Variants in FGD4 observed in about 807,000 individuals in gnomAD.
FGD4 encodes the protein FYVE, RhoGEF and PH domain-containing protein 4.
A neutral mutation model predicts 102.0 loss-of-function variants in FGD4; 42 were observed. The ratio of observed to expected loss-of-function variants is 0.41; its 90% CI spans 0.32 to 0.53. The LOEUF is 0.53. Ranked by LOEUF, FGD4 falls within the 20% of genes least tolerant of loss-of-function variation. FGD4 has a pLI of 0.21. For missense variants in FGD4, 902 were observed against 1,078.2 expected (o/e 0.84, Z 2.29); for synonymous variants, 380 against 375.7 (o/e 1.01, Z -0.13).
chr12:32,510,167 T>C (rs1230431589), intron 1 of FGD4, among the ~76,000 whole-genome samples: 3 of 152,228 alleles, frequency 2.0e-5, no homozygotes, highest in African/African-American at 7.2e-5. Context: ...ATTCAGTGAA[T>C]GATTTATCAC....
chr12:32,410,459 T>C (rs930189268), intron 1 of FGD4, among the ~76,000 whole-genome samples: 1 of 151,746 alleles, frequency 6.6e-6, no homozygotes, highest in Non-Finnish European at 1.5e-5. Flanking sequence ...TATTCCAGCC[T>C]GGGCAATGGA....
chr12:32,400,743 G>C (rs1384671652), intron 1 of FGD4, among the ~76,000 whole-genome samples: 2 of 152,136 alleles, frequency 1.3e-5, no homozygotes, highest in Non-Finnish European at 1.5e-5. Context: ...GCGGTAACCA[G>C]AGGTGTCTGG....
At chr12:32,431,077 G>T (rs183039298) in intron 1 of FGD4, among the ~76,000 whole-genome samples, 21 of 152,300 alleles carry the variant, frequency 1.4e-4, no homozygotes, top group Admixed American at 9.8e-4. Context: ...TCGTTAACCT[G>T]GGAGATTCTC....
chr12:32,580,702 A>G (rs1443804584), intron 3 of FGD4, among the ~76,000 whole-genome samples: 2 of 152,040 alleles, frequency 1.3e-5, no homozygotes, highest in Non-Finnish European at 2.9e-5. Context: ...CCTGGCTAAC[A>G]CGGTGAAACC....
At position 32,582,192 on chromosome 12, in the gene FGD4, A is replaced by G; in HGVS notation, c.736A>G (p.Thr246Ala). 6.2e-7 allele frequency: 1 copy of G among 1,614,166 alleles called. No homozygotes were observed. Among genetic ancestry groups the G allele is most frequent in the Non-Finnish European group, 8.5e-7 (1 of 1,180,022 alleles). Reference sequence around the variant, plus strand: ...GGAATGTGAGGAGGAGAAAGCTGCCACTCTTAGCTCAGATACTTCTATTCA... The same window carrying G: ...GGAATGTGAGGAGGAGAAAGCTGCCGCTCTTAGCTCAGATACTTCTATTCA... ...QMECEEEKAA[T>A]LSSDTSIQAS... Residue 246 changes from threonine (T) to alanine (A), a missense_variant, in exon 4 of 17, where the codon ACT becomes GCT. This residue lies in a region of FGD4 where 443 missense variants were observed against 459.2 expected (regional missense o/e 0.96). Transcript: ENST00000534526.
intron 1 of FGD4, among the ~76,000 whole-genome samples, chr12:32,456,947 C>G (rs961398337): frequency 2.1e-4 from 32 of 152,020 alleles, no homozygotes; most frequent in African/African-American, 7.5e-4. Context: ...TCTGTAAATG[C>G]TTATTTGAAT....
At chr12:32,411,615 A>G (rs975106275) in intron 1 of FGD4, among the ~76,000 whole-genome samples, 10 of 152,106 alleles carry the variant, frequency 6.6e-5, no homozygotes, top group African/African-American at 2.4e-4. Flanking sequence ...AGATACCCCA[A>G]ATTGAAGAAT....
At chr12:32,591,979 T>C (rs1446827004) in intron 4 of FGD4, among the ~76,000 whole-genome samples, 2 of 152,202 alleles carry the variant, frequency 1.3e-5, no homozygotes, top group African/African-American at 4.8e-5. Context: ...AGCTTAGATA[T>C]CCTCTTGTGT....
intron 5 of FGD4, among the ~76,000 whole-genome samples, chr12:32,599,481 CG>C (rs1217562539): frequency 1.8e-5 from 1 of 55,308 alleles, no homozygotes; most frequent in Non-Finnish European, 3.3e-5. Flanking sequence ...GGTGACAGAG[CG>C]AGACTCCGTC....
Position 32,506,732 on chromosome 12 carries a change from C to G in FGD4, c.167-57405C>G, listed in dbSNP as rs1317148693. On this transcript the variant is annotated intron_variant, in intron 1 of 16. Coordinates refer to ENST00000534526, the MANE Select transcript of FGD4 (RefSeq NM_001370298.3). This position sits in a 1 kb window ranked among gnomAD's most constrained non-coding sequence, Gnocchi z 4.5. ...TATTTCTTGCACATTTACTCTATGC[C>G]ATTCCTATTGCGATGTGGAGGATAT... Among the ~76,000 whole-genome samples, 1 of 152,098 alleles carries G rather than the reference C, an allele frequency of 6.6e-6. No individual in the cohort carries two copies. The highest frequency in any genetic ancestry group is 1.5e-5 in the Non-Finnish European group (1 of 68,030).
intron 15 of FGD4, 93 bp downstream of exon 15, chr12:32,633,782 C>A: frequency 8.7e-7 from 1 of 1,145,790 alleles, no homozygotes; most frequent in Non-Finnish European, 1.2e-6. Context: ...GTGGCACGAT[C>A]TCAGCTCACT....
chr12:32,540,566 C>CT (rs528437420), intron 1 of FGD4, among the ~76,000 whole-genome samples: 9,046 of 136,380 alleles, frequency 0.066, 1,003 homozygotes, highest in African/African-American at 0.23. Context: ...TCTTTCTTTT[C>CT]TTTTTTTTTT....
rs150902561 is a variant in FGD4, at chr12:32,523,770, C to T, written c.167-40367C>T. On this transcript the variant is annotated intron_variant, in intron 1 of 16. Transcript: ENST00000534526. The stretch of plus-strand genomic sequence containing the variant: ...CGGGCAGATCATGAGGTCAGGAGAT[C>T]GAGACCATCCTGGCTAACACGGTGA... Among the ~76,000 whole-genome samples the T allele has an allele frequency of 4.0e-3, 609 of 151,754 alleles. 2 individuals are homozygous for T. The highest frequency in any genetic ancestry group is 0.014 in the African/African-American group (580 of 41,368).
In FGD4 at chr12:32,635,434, A is replaced by G. The variant is rs186316543; in HGVS notation, c.2313+1745A>G. ...ATTACTTATTAGGTCAACTCATATA[A>G]TGAAATAAATATATAGTATGAAGTC... On this transcript the variant is annotated intron_variant, in intron 15 of 16. Coordinates refer to ENST00000534526, the MANE Select transcript of FGD4 (RefSeq NM_001370298.3). Among the ~76,000 whole-genome samples, 6 of 152,368 alleles carry G rather than the reference A, an allele frequency of 3.9e-5. No homozygotes were observed. The East Asian group carries it at 1.2e-3, about 29-fold the overall frequency.
At chr12:32,525,355 A>G (rs1337798204) in intron 1 of FGD4, among the ~76,000 whole-genome samples, 1 of 152,248 alleles carries the variant, frequency 6.6e-6, no homozygotes, top group Non-Finnish European at 1.5e-5. Flanking sequence ...CTATGTGTCC[A>G]TAACAACATT....
intron 1 of FGD4, among the ~76,000 whole-genome samples, chr12:32,424,228 C>T (rs904949125): frequency 6.6e-6 from 1 of 150,770 alleles, no homozygotes; most frequent in African/African-American, 2.4e-5. Flanking sequence ...TAGCCCCCAA[C>T]CCCCTAACAG....
Position 32,643,187 on chromosome 12 carries a change from A to G in FGD4, c.*2654A>G, listed in dbSNP as rs572309435. The stretch of plus-strand genomic sequence containing the variant: ...TGAAAGCCTACCATTTGGCGTGTTA[A>G]GTATGAAATATAGTGCAGACTTTTA... On this transcript the variant is annotated 3_prime_UTR_variant, in exon 17 of 17. Transcript: ENST00000534526. 24 of 152,640 alleles carry G rather than the reference A, an allele frequency of 1.6e-4. 1 individual carries two copies. The highest frequency in any genetic ancestry group is 1.3e-3 in the Admixed American group (20 of 15,288). 9.5% of individuals were successfully genotyped at this position (152,640 alleles called of 1,614,324 possible).
At chr12:32,575,037 C>A (rs1243711418) in intron 2 of FGD4, among the ~76,000 whole-genome samples, 2 of 152,078 alleles carry the variant, frequency 1.3e-5, no homozygotes, top group Non-Finnish European at 2.9e-5. Flanking sequence ...TGTGCACTTA[C>A]GGCATATTAT....
At chr12:32,549,721 A>G (rs1216200650) in intron 1 of FGD4, among the ~76,000 whole-genome samples, 1 of 152,242 alleles carries the variant, frequency 6.6e-6, no homozygotes, top group Non-Finnish European at 1.5e-5. Flanking sequence ...GGCTGAGGCC[A>G]GTGAATGTCA....
Sources: allele counts gnomAD v4.1 joint callset (sites outside exome capture counted in the v4.1 genomes callset), GRCh38; gene constraint gnomAD v4.1.1; regional missense constraint gnomAD v4.1.1; non-coding constraint Gnocchi (gnomAD v3.1); transcripts MANE v1.5; gene names NCBI Gene and HGNC (gene_info 2026-07-23, HGNC 2026-07-21).